The following CEP290 variants were observed in gnomAD, a reference collection of about 807,000 sequenced individuals.
The protein encoded by CEP290 is centrosomal protein of 290 kDa.
Under a neutral mutation model 344.9 loss-of-function variants are expected in CEP290, and 317 were observed. The observed-to-expected ratio is 0.92, with a 90% CI of 0.84 to 1.01. The LOEUF (loss-of-function observed/expected upper bound fraction) is 1.01. CEP290 is among the 50% of genes least tolerant of loss of function. The pLI is 0.00. For missense variants in CEP290, 2,754 were observed against 2,761.4 expected (o/e 1.00, Z 0.06); for synonymous variants, 932 against 895.8 (o/e 1.04, Z -0.72).
intron 45 of CEP290, among the ~76,000 whole-genome samples, chr12:88,063,317 A>C: frequency 6.6e-6 from 1 of 152,108 alleles, no homozygotes; most frequent in East Asian, 1.9e-4. Context: ...GCTAGCCAAA[A>C]GAAAAAAAAG....
Position 88,114,384 on chromosome 12 carries a change from T to G in CEP290, c.2052+36A>C, listed in dbSNP as rs781484060. The G allele has an allele frequency of 6.7e-6, 10 of 1,498,444 alleles. No individual in the cohort carries two copies. In the South Asian group the frequency reaches 1.3e-4, roughly 19 times the overall value. The allele number at this position is 1,498,444 out of a possible 1,614,324, so 92.8% of individuals were successfully genotyped here. A position where few individuals can be genotyped will look rare whatever the true frequency, so the allele number is the denominator to read the frequency against. On this transcript the variant is annotated intron_variant, in intron 20 of 53. Coordinates refer to ENST00000552810, the MANE Select transcript of CEP290 (RefSeq NM_025114.4). ...ACAGCAGAAAATCTCTCTAAAGTGATAGGGGAAAAACATTAACATGAAAAA... is the reference window on the plus strand; with the variant it reads ...ACAGCAGAAAATCTCTCTAAAGTGAGAGGGGAAAAACATTAACATGAAAAA...
intron 51 of CEP290, 33 bp from the exon 52 acceptor site, chr12:88,053,779 A>G: frequency 1.8e-6 from 2 of 1,115,222 alleles, no homozygotes; most frequent in East Asian, 2.6e-5. Flanking sequence ...TAAAAAAATA[A>G]AGCAGATATT....
intron 17 of CEP290, among the ~76,000 whole-genome samples, chr12:88,117,413 C>CTTTAATAT (rs2039119705): frequency 6.6e-6 from 1 of 152,062 alleles, no homozygotes; most frequent in African/African-American, 2.4e-5. Context: ...TTAATAAGCA[C>CTTTAATAT]CAGTTAAAAG....
Position 88,086,502 on chromosome 12 carries a change from A to C in CEP290, c.4195-4T>G. On this transcript the variant is annotated splice_region_variant and splice_polypyrimidine_tract_variant and intron_variant, in intron 32 of 53. Transcript: ENST00000552810. ...CCATTTGTCTTTCTTCATGAAACTA[A>C]AAAAAGGACAATTTGTGTCAGACAC... 1 of 1,576,680 alleles carries C rather than the reference A, an allele frequency of 6.3e-7. No individual in the cohort carries two copies.
intron 50 of CEP290, 77 bp downstream of exon 50, chr12:88,055,499 C>A: frequency 8.0e-7 from 1 of 1,253,890 alleles, no homozygotes. Flanking sequence ...CCATTTTTAT[C>A]TATATAAGAC....
Position 88,077,860 on chromosome 12 carries a change from CTTGTT to C in CEP290, c.5418_5422del (p.Thr1807Ter). ...AGTTAGTGAGTTTTCTCTGTTTTTACTTGTTTTAAGTGCTTCTTTCAATTTTAAAA... is the reference window on the plus strand; with the variant it reads ...AGTTAGTGAGTTTTCTCTGTTTTTACTTAAGTGCTTCTTTCAATTTTAAAA... On this transcript the variant is annotated frameshift_variant, in exon 40 of 54. Coordinates refer to ENST00000552810, the MANE Select transcript of CEP290 (RefSeq NM_025114.4). LOFTEE classifies it high-confidence loss of function. The C allele has an allele frequency of 1.4e-6, 2 of 1,455,862 alleles. No homozygotes were observed. Among genetic ancestry groups the C allele is most frequent in the Non-Finnish European group, 1.9e-6 (2 of 1,068,970 alleles). 90.2% of individuals were successfully genotyped at this position (1,455,862 alleles called of 1,614,324 possible). A position where few individuals can be genotyped will look rare whatever the true frequency, so the allele number is the denominator to read the frequency against.
chr12:88,066,194 A>G (rs2034913124), intron 44 of CEP290, among the ~76,000 whole-genome samples: 1 of 152,210 alleles, frequency 6.6e-6, no homozygotes, highest in African/African-American at 2.4e-5. Flanking sequence ...GATAAATGCT[A>G]TGAACAAACT....
chr12:88,101,513 G>A (rs10858687), intron 26 of CEP290, among the ~76,000 whole-genome samples: 33 of 147,026 alleles, frequency 2.2e-4, no homozygotes, highest in Non-Finnish European at 1.0e-4. Context: ...AAATTAGCTG[G>A]TGTGGTGGTG....
At chr12:88,102,773 C>CAA in intron 26 of CEP290, 65 bp downstream of exon 26, 1 of 1,406,902 alleles carries the variant, frequency 7.1e-7, no homozygotes, top group Non-Finnish European at 9.7e-7. Context: ...CCAAATCCCC[C>CAA]CAAACACAAA....
At chr12:88,083,303 G>A (rs1341022054) in intron 36 of CEP290, 73 bp from the exon 37 acceptor site, 9 of 858,052 alleles carry the variant, frequency 1.0e-5, no homozygotes, top group African/African-American at 1.8e-5. Context: ...TTTTAATTTG[G>A]TTCCTCAAAT....
chr12:88,080,554 T>C (rs1382941915), intron 37 of CEP290, among the ~76,000 whole-genome samples, 159 bp from the exon 38 acceptor site: 1 of 152,144 alleles, frequency 6.6e-6, no homozygotes, highest in Non-Finnish European at 1.5e-5. Flanking sequence ...CTCAACTTCC[T>C]GAGTAGCTGG....
chr12:88,084,511 T>C (rs1447836918), intron 35 of CEP290, 75 bp downstream of exon 35: 1 of 1,282,992 alleles, frequency 7.8e-7, no homozygotes. Context: ...AATACCACTT[T>C]AGGGTAAAAT....
At chr12:88,067,907 C>T (rs1161077113) in intron 44 of CEP290, among the ~76,000 whole-genome samples, 1 of 152,122 alleles carries the variant, frequency 6.6e-6, no homozygotes, top group Non-Finnish European at 1.5e-5. Context: ...TAGTCTTTTA[C>T]CATTTTTAAT....
At chr12:88,061,190 T>C (rs1048882197) in intron 46 of CEP290, among the ~76,000 whole-genome samples, 196 bp from the exon 47 acceptor site, 1 of 152,188 alleles carries the variant, frequency 6.6e-6, no homozygotes, top group African/African-American at 2.4e-5. Flanking sequence ...AAACCAAGAC[T>C]TAGGAAATTT....
rs770939514 is a variant in CEP290, at chr12:88,086,411, T to G, written c.4282A>C (p.Ile1428Leu). ...CATACCTTTTGTGCCGCATTTAGTATTTCATTTTGCTGACGGTCAAAAATG... is the reference window on the plus strand; with the variant it reads ...CATACCTTTTGTGCCGCATTTAGTAGTTCATTTTGCTGACGGTCAAAAATG... ...LDIFDRQQNE[I>L]LNAAQKFEEA... Residue 1428 changes from isoleucine (I) to leucine (L), a missense_variant, in exon 33 of 54, where the codon ATA becomes CTA. Ile to Leu is a conservative substitution (Grantham distance 5). Transcript: ENST00000552810. The G allele has an allele frequency of 6.3e-7, 1 of 1,592,460 alleles. No individual in the cohort carries two copies. The highest frequency in any genetic ancestry group is 8.6e-7 in the Non-Finnish European group (1 of 1,167,324).
Position 88,118,547 on chromosome 12 carries a change from T to C in CEP290, c.1647A>G (p.Arg549=), listed in dbSNP as rs1344307634. The C allele has an allele frequency of 1.3e-6, 2 of 1,586,956 alleles. No homozygotes were observed. The highest frequency in any genetic ancestry group is 1.8e-5 in the Admixed American group (1 of 55,160). The part of the protein sequence containing the change: ...LKEIESLEEE[R]LDLKKKIRQM... ...GACGAATTTTTTTTTTCAGATCAAG[T>C]CGTTCTTCCTCTAGACTTTCAATCT... is the stretch of plus-strand genomic sequence containing the variant. Residue 549 remains arginine (R), a synonymous_variant, in exon 17 of 54, where the codon CGA becomes CGG. Coordinates refer to ENST00000552810, the MANE Select transcript of CEP290 (RefSeq NM_025114.4).
intron 32 of CEP290, 47 bp downstream of exon 32, chr12:88,087,733 A>G (rs1165957754): frequency 1.3e-6 from 1 of 775,882 alleles, no homozygotes; most frequent in East Asian, 3.8e-5. Context: ...AAAAAAAAAA[A>G]AAAAAAAAAA....
chr12:88,051,586 C>A (rs1004289666), intron 52 of CEP290: 4 of 152,018 alleles, frequency 2.6e-5, no homozygotes, highest in Non-Finnish European at 4.4e-5. Context: ...TGATCTTAAG[C>A]CTTAATCTTT....
At chr12:88,062,589 C>T (rs1383118567) in intron 46 of CEP290, 103 bp downstream of exon 46, 2 of 686,646 alleles carry the variant, frequency 2.9e-6, no homozygotes, top group East Asian at 5.5e-5. Flanking sequence ...AACTACAGGG[C>T]ACTTGTAGAG....
Sources: allele counts gnomAD v4.1 joint callset (sites outside exome capture counted in the v4.1 genomes callset), GRCh38; gene constraint gnomAD v4.1.1; transcripts MANE v1.5; gene names NCBI Gene and HGNC (gene_info 2026-07-23, HGNC 2026-07-21).